The following SLC71A2 variants were observed in gnomAD, a reference collection of about 807,000 sequenced individuals.
SLC71A2 encodes solute carrier family 71 member 2, also known as hippocampus abundant transcript-like 1.
At chr9:94,445,037 A>T in the SLC71A2 span, 1 of 1,614,134 alleles carries the variant, frequency 6.2e-7, no homozygotes, top group Admixed American at 1.7e-5. Context: ...AGTTACGGAG[A>T]CAGCCTCGTT....
At chr9:94,383,545 C>G in the SLC71A2 span, among the ~76,000 whole-genome samples, 1 of 151,938 alleles carries the variant, frequency 6.6e-6, no homozygotes, top group Admixed American at 6.6e-5. Flanking sequence ...ATCTATTTGT[C>G]TTTACATCAG....
the SLC71A2 span, among the ~76,000 whole-genome samples, chr9:94,404,149 A>G: frequency 2.6e-5 from 4 of 152,230 alleles, no homozygotes; most frequent in Non-Finnish European, 4.4e-5. Flanking sequence ...TCTGTTATTT[A>G]TAAACTACCC....
At chr9:94,395,225 T>C in the SLC71A2 span, among the ~76,000 whole-genome samples, 12 of 152,028 alleles carry the variant, frequency 7.9e-5, no homozygotes, top group African/African-American at 2.9e-4. Flanking sequence ...TGTGGCAGTA[T>C]GTTCAAATTA....
At chr9:94,382,067 C>T in the SLC71A2 span, among the ~76,000 whole-genome samples, 1 of 152,036 alleles carries the variant, frequency 6.6e-6, no homozygotes, top group Middle Eastern at 3.4e-3. Context: ...ACTTTGGTTG[C>T]CCAGGCTGGA....
At chr9:94,404,127 A>G in the SLC71A2 span, among the ~76,000 whole-genome samples, 10,249 of 152,258 alleles carry the variant, frequency 0.067, 473 homozygotes, top group Non-Finnish European at 0.11. Flanking sequence ...TCCAAAACTG[A>G]GAAAATAAAT....
the SLC71A2 span, among the ~76,000 whole-genome samples, chr9:94,420,595 C>CTTT: frequency 4.2e-5 from 6 of 143,354 alleles, no homozygotes; most frequent in East Asian, 1.2e-3. Context: ...GTTTATAATA[C>CTTT]TTTTTTTTTT....
At chr9:94,391,084 GGAAAAA>G in the SLC71A2 span, among the ~76,000 whole-genome samples, 1 of 151,434 alleles carries the variant, frequency 6.6e-6, no homozygotes, top group East Asian at 1.9e-4. Flanking sequence ...TTGACCTAGT[GGAAAAA>G]GATTGGCTGG....
the SLC71A2 span, among the ~76,000 whole-genome samples, chr9:94,378,447 G>A: frequency 1.3e-5 from 2 of 152,092 alleles, no homozygotes; most frequent in African/African-American, 4.8e-5. Flanking sequence ...GGCCAACATA[G>A]TGAAACCCCA....
the SLC71A2 span, among the ~76,000 whole-genome samples, chr9:94,450,492 A>ATTTTTTTTTTTTTTTTTTTT: frequency 1.9e-5 from 1 of 52,506 alleles, no homozygotes; most frequent in African/African-American, 2.3e-4. Context: ...AAATAATGTA[A>ATTTTTTTTTTTTTTTTTTTT]CTTTTTTTTT....
At chr9:94,439,523 T>G in the SLC71A2 span, among the ~76,000 whole-genome samples, 32 of 147,156 alleles carry the variant, frequency 2.2e-4, no homozygotes, top group Admixed American at 2.3e-3. Flanking sequence ...TTTGTTTTGG[T>G]TTTTAATCCT....
the SLC71A2 span, among the ~76,000 whole-genome samples, chr9:94,422,461 T>C: frequency 2.0e-5 from 3 of 152,256 alleles, no homozygotes; most frequent in Non-Finnish European, 4.4e-5. Context: ...ATTACAAATA[T>C]TGCTGTTGTA....
chr9:94,395,643 T>C, the SLC71A2 span, among the ~76,000 whole-genome samples: 1 of 152,284 alleles, frequency 6.6e-6, no homozygotes, highest in South Asian at 2.1e-4. Flanking sequence ...AAGTAAACTG[T>C]TTTGTTATGC....
chr9:94,381,521 C>G, the SLC71A2 span, among the ~76,000 whole-genome samples: 4 of 152,172 alleles, frequency 2.6e-5, no homozygotes, highest in Non-Finnish European at 5.9e-5. Flanking sequence ...TTTGTACATT[C>G]CCTTGTTGAT....
chr9:94,446,368 C>T, the SLC71A2 span, among the ~76,000 whole-genome samples: 2 of 152,146 alleles, frequency 1.3e-5, no homozygotes, highest in Non-Finnish European at 2.9e-5. Context: ...ATTTGTCTAC[C>T]AGATATAAAA....
chr9:94,405,979 T>C, the SLC71A2 span, among the ~76,000 whole-genome samples: 4 of 150,902 alleles, frequency 2.7e-5, no homozygotes, highest in African/African-American at 9.8e-5. Flanking sequence ...CAGCAGTGTC[T>C]TACAGTTTTA....
At chr9:94,456,494 A>G in the SLC71A2 span, among the ~76,000 whole-genome samples, 7 of 151,952 alleles carry the variant, frequency 4.6e-5, no homozygotes, top group East Asian at 3.9e-4. Flanking sequence ...GGAACATTCT[A>G]TTTTCCTCTC....
At chr9:94,420,049 C>G in the SLC71A2 span, among the ~76,000 whole-genome samples, 1 of 152,094 alleles carries the variant, frequency 6.6e-6, no homozygotes, top group South Asian at 2.1e-4. Context: ...TCTTCCCTGG[C>G]TTTTGTTCTC....
At chr9:94,397,753 C>T in the SLC71A2 span, among the ~76,000 whole-genome samples, 1 of 152,120 alleles carries the variant, frequency 6.6e-6, no homozygotes, top group East Asian at 1.9e-4. Flanking sequence ...TGAGATTAAT[C>T]TTGTTGTTTT....
the SLC71A2 span, chr9:94,440,944 C>G: frequency 2.4e-6 from 3 of 1,236,902 alleles, no homozygotes; most frequent in East Asian, 2.3e-5. Flanking sequence ...AGTGAACATA[C>G]ACTCCCTTTC....
Sources: gnomAD v4.1 joint callset for allele counts (sites outside exome capture counted in the v4.1 genomes callset) on GRCh38, gnomAD v4.1.1 for gene constraint, MANE v1.5 for transcripts, NCBI Gene and HGNC (gene_info 2026-07-23, HGNC 2026-07-21) for gene names.